TRPM3: variants seen among roughly 807,000 people sequenced by gnomAD.
TRPM3 encodes the protein transient receptor potential cation channel subfamily M member 3.
Under a neutral mutation model 181.2 loss-of-function variants are expected in TRPM3, and 77 were observed. The observed-to-expected ratio is 0.42, with a 90% CI of 0.35 to 0.51. The LOEUF (loss-of-function observed/expected upper bound fraction) is 0.51, where lower values mean the gene tolerates loss of function less well. Among genes scored for constraint, TRPM3 ranks in the 20% least tolerant of loss-of-function variants. The pLI is 0.01. For missense variants in TRPM3, 1,759 were observed against 2,196.7 expected (o/e 0.80, Z 3.98); for synonymous variants, 745 against 796.4 (o/e 0.94, Z 1.09).
chr9:70,759,176 T>C (rs2077630236), intron 8 of TRPM3, among the ~76,000 whole-genome samples: 4 of 152,222 alleles, frequency 2.6e-5, no homozygotes, highest in African/African-American at 7.2e-5. Flanking sequence ...GCAAAGGATA[T>C]GAACAGACAA....
At chr9:71,365,115 A>G (rs1021686048) in intron 1 of TRPM3, among the ~76,000 whole-genome samples, 1 of 152,164 alleles carries the variant, frequency 6.6e-6, no homozygotes, top group Admixed American at 6.5e-5. Flanking sequence ...AGCAAAGCCA[A>G]TTTCTCTTTT....
chr9:71,330,533 T>G (rs2090034688), intron 1 of TRPM3, among the ~76,000 whole-genome samples: 1 of 151,824 alleles, frequency 6.6e-6, no homozygotes, highest in Non-Finnish European at 1.5e-5. Flanking sequence ...AATTTCCTAC[T>G]GCCAATATTT....
intron 1 of TRPM3, among the ~76,000 whole-genome samples, chr9:70,923,278 A>T (rs1267070592): frequency 6.6e-6 from 1 of 152,128 alleles, no homozygotes; most frequent in Non-Finnish European, 1.5e-5. Flanking sequence ...CACGTTTTAT[A>T]CTTTTTAATA....
Position 70,854,855 on chromosome 9 carries a change from G to A in TRPM3, c.462+8053C>T, listed in dbSNP as rs148202466. 6.6e-5 allele frequency among the ~76,000 whole-genome samples: 10 copies of A among 152,266 alleles called. No homozygotes were observed. The East Asian group carries it at 1.9e-3, about 29-fold the overall frequency. On this transcript the variant is annotated intron_variant, in intron 3 of 25. Coordinates refer to ENST00000677713, the MANE Select transcript of TRPM3 (RefSeq NM_001366145.2). ...CTAGAGGCTAGTTCTAGTTGAAATT[G>A]TACTTTTTGATCTACTCTTAGTTAC... is the stretch of plus-strand genomic sequence containing the variant.
At chr9:70,986,841 T>C (rs569473746) in intron 1 of TRPM3, among the ~76,000 whole-genome samples, 1 of 152,168 alleles carries the variant, frequency 6.6e-6, no homozygotes, top group East Asian at 1.9e-4. Flanking sequence ...TCTTTTATTA[T>C]CATAGTCATC....
At chr9:71,133,598 G>C (rs2074517738) in intron 1 of TRPM3, among the ~76,000 whole-genome samples, 3 of 152,072 alleles carry the variant, frequency 2.0e-5, no homozygotes, top group African/African-American at 7.2e-5. Flanking sequence ...GCGCCCGGCT[G>C]CTTCTTCTTT....
chr9:71,084,579 T>C (rs1447399269), intron 1 of TRPM3, among the ~76,000 whole-genome samples: 1 of 151,834 alleles, frequency 6.6e-6, no homozygotes, highest in Non-Finnish European at 1.5e-5. Flanking sequence ...AGGTGAAAGA[T>C]CTCTACAAGA....
At chr9:71,339,984 G>C (rs1033500722) in intron 1 of TRPM3, among the ~76,000 whole-genome samples, 2 of 152,046 alleles carry the variant, frequency 1.3e-5, no homozygotes, top group African/African-American at 4.8e-5. Flanking sequence ...GTAGATCCAG[G>C]GAATAAAACT....
chr9:71,054,458 G>A (rs1201293389), intron 1 of TRPM3, among the ~76,000 whole-genome samples: 1 of 152,074 alleles, frequency 6.6e-6, no homozygotes, highest in Non-Finnish European at 1.5e-5. Context: ...TAGTTACGAA[G>A]TGAAATAAAA....
At chr9:70,647,234 G>GA (rs961571068) in intron 9 of TRPM3, among the ~76,000 whole-genome samples, 5 of 151,396 alleles carry the variant, frequency 3.3e-5, no homozygotes, top group Admixed American at 2.6e-4. Flanking sequence ...GAGACACAAT[G>GA]AAAAAAAAGA....
chr9:71,176,308 T>C (rs1021577577), intron 1 of TRPM3, among the ~76,000 whole-genome samples: 2 of 152,138 alleles, frequency 1.3e-5, no homozygotes, highest in Admixed American at 1.3e-4. Context: ...GACAGTGATA[T>C]TGATGATCCT....
intron 1 of TRPM3, among the ~76,000 whole-genome samples, chr9:71,446,306 C>A (rs539756817): frequency 1.3e-5 from 2 of 152,270 alleles, no homozygotes; most frequent in African/African-American, 2.4e-5. Flanking sequence ...ACAGACAGAC[C>A]CTTGGGAACG....
intron 1 of TRPM3, among the ~76,000 whole-genome samples, chr9:71,177,993 C>A (rs952209872): frequency 6.7e-6 from 1 of 148,778 alleles, no homozygotes; most frequent in African/African-American, 2.5e-5. Context: ...TTATACTGAA[C>A]CAAGATACGA....
chr9:71,108,994 G>A (rs1211466340), intron 1 of TRPM3, among the ~76,000 whole-genome samples: 1 of 152,110 alleles, frequency 6.6e-6, no homozygotes. Context: ...TATGTGGGTG[G>A]GCCTCATCTA....
chr9:70,742,493 T>C (rs2074344715), intron 8 of TRPM3, among the ~76,000 whole-genome samples: 2 of 152,264 alleles, frequency 1.3e-5, no homozygotes, highest in Admixed American at 1.3e-4. Flanking sequence ...TAACCAGTTA[T>C]CCTCCAGCGG....
intron 18 of TRPM3, among the ~76,000 whole-genome samples, chr9:70,614,412 A>T (rs1018472806): frequency 6.6e-6 from 1 of 151,540 alleles, no homozygotes; most frequent in Non-Finnish European, 1.5e-5. Context: ...AGCCCAGAGG[A>T]TCCCTTGAAT....
At chr9:70,975,877 G>A (rs1323358717) in intron 1 of TRPM3, among the ~76,000 whole-genome samples, 1 of 152,202 alleles carries the variant, frequency 6.6e-6, no homozygotes, top group Non-Finnish European at 1.5e-5. Context: ...TCCCTCATCT[G>A]TAAGAAGGTG....
chr9:70,852,126 T>A, intron 3 of TRPM3, among the ~76,000 whole-genome samples: 1 of 45,332 alleles, frequency 2.2e-5, no homozygotes, highest in East Asian at 8.4e-4. Context: ...AGACTCTATC[T>A]CCAAAAAAAA....
chr9:70,841,518 A>G (rs1205478270), intron 5 of TRPM3, among the ~76,000 whole-genome samples: 1 of 150,450 alleles, frequency 6.6e-6, no homozygotes, highest in Non-Finnish European at 1.5e-5. Flanking sequence ...TATAAAAAAG[A>G]CACCTGCACT....
Sources: gnomAD v4.1 joint callset for allele counts (sites outside exome capture counted in the v4.1 genomes callset) on GRCh38, gnomAD v4.1.1 for gene constraint, MANE v1.5 for transcripts, NCBI Gene and HGNC (gene_info 2026-07-23, HGNC 2026-07-21) for gene names.